DHX9: variants seen among roughly 807,000 people sequenced by gnomAD.
DHX9 encodes ATP-dependent RNA helicase A.
In DHX9, 27 loss-of-function variants were observed where a neutral mutation model predicts 148.7. The observed-to-expected ratio is 0.18, with a 90% CI of 0.13 to 0.25. The LOEUF (loss-of-function observed/expected upper bound fraction) is 0.25. DHX9 is among the 10% of genes least tolerant of loss of function. DHX9 has a pLI of 1.00. For missense variants in DHX9, 796 were observed against 1,559.6 expected, an observed-to-expected ratio of 0.51 and a Z score of 8.25; for synonymous variants, 529 against 516.6, an observed-to-expected ratio of 1.02 and a Z score of -0.33.
rs757764780 is a variant in DHX9 at position 182,858,564 on chromosome 1, A to G, written c.824A>G (p.Lys275Arg). The change falls in exon 9 of 28, where the codon AAA (lysine) becomes AGA (arginine). Residue 275 changes from lysine to arginine, a missense_variant. By Grantham distance (26) the Lys-to-Arg change is conservative (BLOSUM62 2). Transcript: ENST00000367549. ...CTTTTTCCATAGGTGGAGCCTTACA[A>G]AGTAAACCTCTCTCAAGATTTAGAG... ...KKEGETVEPYKVNLSQDLEHQ... is the reference protein window; with the variant it reads ...KKEGETVEPYRVNLSQDLEHQ... 12 of 1,610,136 alleles carry G rather than the reference A, an allele frequency of 7.5e-6. No individual in the cohort carries two copies. The highest frequency in any genetic ancestry group is 8.5e-6 in the Non-Finnish European group (10 of 1,177,800).
At chr1:182,859,600 G>A (rs1465116440) in intron 11 of DHX9, among the ~76,000 whole-genome samples, 1 of 152,042 alleles carries the variant, frequency 6.6e-6, no homozygotes, top group African/African-American at 2.4e-5. Flanking sequence ...TATAGAGATG[G>A]AAGTTTGGTT....
intron 22 of DHX9, 116 bp from the exon 23 acceptor site, chr1:182,881,148 A>G (rs1649068361): frequency 9.4e-7 from 1 of 1,068,536 alleles, no homozygotes; most frequent in Non-Finnish European, 1.3e-6. Context: ...GTTTCATTGC[A>G]AATAAAAGTA....
rs947854880 is a variant in DHX9, at chr1:182,875,956, A to G, written c.1816-94A>G. On this transcript the variant is annotated intron_variant, in intron 16 of 27. Coordinates refer to ENST00000367549, the MANE Select transcript of DHX9 (RefSeq NM_001357.5). ...CTAGTCAACTAGAATAAATAATGAC[A>G]TTACAAGTAATTAGAGTCACTAGAA... 3.0e-5 allele frequency: 28 copies of G among 924,238 alleles called. 1 individual carries two copies. In the African/African-American group the frequency reaches 4.5e-4, roughly 15 times the overall value. The allele number at this position is 924,238 out of a possible 1,614,324, so 57.3% of individuals were successfully genotyped here. A position where few individuals can be genotyped will look rare whatever the true frequency, so the allele number is the denominator to read the frequency against.
At chr1:182,877,114 C>T in intron 19 of DHX9, 1 of 470,106 alleles carries the variant, frequency 2.1e-6, no homozygotes, top group South Asian at 3.1e-5. Flanking sequence ...AGTGACAAAG[C>T]TTGAAACTGT....
intron 13 of DHX9, 110 bp from the exon 14 acceptor site, chr1:182,866,851 G>T (rs1266929457): frequency 2.2e-5 from 19 of 874,568 alleles, no homozygotes; most frequent in Non-Finnish European, 2.9e-5. Context: ...ATGTACATGT[G>T]ATTATTTTCT....
chr1:182,852,131 G>GA, intron 3 of DHX9, 102 bp from the exon 4 acceptor site: 1 of 641,498 alleles, frequency 1.6e-6, no homozygotes, highest in Non-Finnish European at 2.7e-6. Context: ...ATATTACAAA[G>GA]AAAGGAGGTA....
intron 14 of DHX9, among the ~76,000 whole-genome samples, chr1:182,869,016 G>A (rs1327805567): frequency 1.3e-5 from 2 of 152,110 alleles, no homozygotes; most frequent in African/African-American, 4.8e-5. Context: ...ATCTTTGCTT[G>A]TTAATGTAGC....
At chr1:182,852,770 A>G (rs1391268667) in intron 4 of DHX9, among the ~76,000 whole-genome samples, 1 of 152,194 alleles carries the variant, frequency 6.6e-6, no homozygotes, top group Non-Finnish European at 1.5e-5. Flanking sequence ...AACATTGCTT[A>G]TAGTCTTCGT....
intron 6 of DHX9, among the ~76,000 whole-genome samples, chr1:182,856,167 T>G (rs1339236927): frequency 6.6e-6 from 1 of 152,198 alleles, no homozygotes; most frequent in Non-Finnish European, 1.5e-5. Flanking sequence ...TGTAAAACAT[T>G]TGGGGCCTAC....
intron 14 of DHX9, 74 bp from the exon 15 acceptor site, chr1:182,872,263 T>C: frequency 7.8e-7 from 1 of 1,287,852 alleles, no homozygotes; most frequent in Non-Finnish European, 1.1e-6. Flanking sequence ...CTTATGGCTG[T>C]ATAACTCTTT....
At chr1:182,880,664 C>G in intron 22 of DHX9, 56 bp downstream of exon 22, 1 of 1,201,076 alleles carries the variant, frequency 8.3e-7, no homozygotes, top group East Asian at 2.4e-5. Flanking sequence ...TCAGAATCTT[C>G]TCCTCCCTGT....
At chr1:182,862,998 A>T (rs1571309135) in intron 12 of DHX9, among the ~76,000 whole-genome samples, 1 of 152,214 alleles carries the variant, frequency 6.6e-6, no homozygotes, top group African/African-American at 2.4e-5. Flanking sequence ...ACTCCAGGCA[A>T]GAGTAGTAAA....
intron 12 of DHX9, among the ~76,000 whole-genome samples, chr1:182,861,534 ACCACT>A (rs1206233188): frequency 6.6e-6 from 1 of 152,058 alleles, no homozygotes; most frequent in African/African-American, 2.4e-5. Flanking sequence ...TCTCCCTTCT[ACCACT>A]ATCCATTTCT....
intron 3 of DHX9, among the ~76,000 whole-genome samples, chr1:182,848,027 T>G (rs1313733201): frequency 2.6e-5 from 4 of 152,228 alleles, no homozygotes; most frequent in African/African-American, 9.6e-5. Context: ...GATTTCCTAC[T>G]TTCTTCCTTA....
At chr1:182,843,910 T>G (rs1316971057) in intron 3 of DHX9, among the ~76,000 whole-genome samples, 1 of 152,044 alleles carries the variant, frequency 6.6e-6, no homozygotes, top group Non-Finnish European at 1.5e-5. Context: ...CAGTCCTTCA[T>G]CCTTAACCCC....
At chr1:182,865,679 A>G (rs1309837843) in intron 12 of DHX9, among the ~76,000 whole-genome samples, 2 of 152,246 alleles carry the variant, frequency 1.3e-5, no homozygotes, top group Non-Finnish European at 2.9e-5. Context: ...CTAGCCTGTC[A>G]TCAGGAACTT....
chr1:182,848,190 A>T (rs1251617682), intron 3 of DHX9, among the ~76,000 whole-genome samples: 4 of 151,948 alleles, frequency 2.6e-5, no homozygotes, highest in Non-Finnish European at 5.9e-5. Context: ...TACTTCCTAA[A>T]CTCCTTCAAT....
chr1:182,842,700 T>C (rs1236928929), intron 2 of DHX9, 23 bp downstream of exon 2: 5 of 1,558,342 alleles, frequency 3.2e-6, no homozygotes, highest in Non-Finnish European at 4.4e-6. Flanking sequence ...ACAGTTTGCA[T>C]TTATGTGATT....
At chr1:182,852,430 A>G (rs938205547) in intron 4 of DHX9, 86 bp downstream of exon 4, 12 of 892,606 alleles carry the variant, frequency 1.3e-5, no homozygotes, top group Admixed American at 5.9e-5. Flanking sequence ...TTGGGTAGAA[A>G]GAACTGCAGT....
Sources: gnomAD v4.1 joint callset for allele counts (sites outside exome capture counted in the v4.1 genomes callset) on GRCh38, gnomAD v4.1.1 for gene constraint, MANE v1.5 for transcripts, NCBI Gene and HGNC (gene_info 2026-07-23, HGNC 2026-07-21) for gene names.